Variants in CTNNA3 observed in about 807,000 individuals in gnomAD.
CTNNA3 encodes catenin alpha-3.
Under a neutral mutation model 95.7 loss-of-function variants are expected in CTNNA3, and 76 were observed. The ratio of observed to expected loss-of-function variants is 0.79; its 90% CI spans 0.66 to 0.96. CTNNA3 has a LOEUF of 0.96. Among genes scored for constraint, CTNNA3 ranks in the 40% least tolerant of loss-of-function variants. The pLI is 0.00. For missense variants in CTNNA3, 1,191 were observed against 1,089.8 expected (o/e 1.09, Z -1.31); for synonymous variants, 431 against 374.4 (o/e 1.15, Z -1.74).
intron 7 of CTNNA3, among the ~76,000 whole-genome samples, chr10:67,133,306 G>GATATATATATATATATATATATATAGAT (rs56800232): frequency 1.0e-5 from 1 of 97,688 alleles, no homozygotes; most frequent in Non-Finnish European, 2.1e-5. Context: ...CATATTGCCT[G>GATATATATATATATATATATATATAGAT]ATATATATAT....
Position 66,947,895 on chromosome 10 carries a change from C to T in CTNNA3, c.1048-172371G>A, listed in dbSNP as rs534254439. Among the ~76,000 whole-genome samples, 25 of 152,292 alleles carry T rather than the reference C, an allele frequency of 1.6e-4. No individual in the cohort carries two copies. In the South Asian group the frequency reaches 5.2e-3, roughly 32 times the overall value. On this transcript the variant is annotated intron_variant, in intron 7 of 17. Coordinates refer to ENST00000433211, the MANE Select transcript of CTNNA3 (RefSeq NM_013266.4). ...TTAGGCAATTTTGTCATTGTGCGAA[C>T]ATCACAGAGTGTACTTACATAAACC...
Position 66,363,593 on chromosome 10 carries a change from C to T in CTNNA3, c.1732+15559G>A, listed in dbSNP as rs117834159. On this transcript the variant is annotated intron_variant, in intron 12 of 17. Coordinates refer to ENST00000433211, the MANE Select transcript of CTNNA3 (RefSeq NM_013266.4). ...TACTCCATTTAATTTGTTATAGCAG[C>T]CCAAACTGACCAAGACACCAGATTA... is the stretch of plus-strand genomic sequence containing the variant. Among the ~76,000 whole-genome samples the T allele has an allele frequency of 9.4e-4, 143 of 152,124 alleles. 3 individuals are homozygous for T. In the East Asian group the frequency reaches 0.025, roughly 27 times the overall value.
intron 1 of CTNNA3, among the ~76,000 whole-genome samples, chr10:67,752,994 A>G (rs995871532): frequency 1.3e-5 from 2 of 152,206 alleles, no homozygotes; most frequent in Non-Finnish European, 2.9e-5. Context: ...ATGGAACCAA[A>G]AAAGACCCCA....
At chr10:66,380,161 CT>C (rs960659311) in intron 11 of CTNNA3, among the ~76,000 whole-genome samples, 9 of 152,026 alleles carry the variant, frequency 5.9e-5, no homozygotes, top group African/African-American at 2.2e-4. Context: ...CTCTTTCTCT[CT>C]TTTTTTGTCC....
chr10:67,537,399 A>T (rs565542931), intron 4 of CTNNA3, among the ~76,000 whole-genome samples: 2 of 152,218 alleles, frequency 1.3e-5, no homozygotes, highest in South Asian at 4.1e-4. Context: ...GAATTGAATT[A>T]AAAGAAATAA....
chr10:67,206,782 G>A (rs1248597120), intron 6 of CTNNA3, among the ~76,000 whole-genome samples: 1 of 151,234 alleles, frequency 6.6e-6, no homozygotes, highest in African/African-American at 2.4e-5. Flanking sequence ...AGTCTCTACT[G>A]AACATATTGT....
intron 1 of CTNNA3, among the ~76,000 whole-genome samples, chr10:67,670,967 TTTTG>T (rs918506316): frequency 2.0e-5 from 3 of 152,236 alleles, no homozygotes; most frequent in African/African-American, 7.2e-5. Flanking sequence ...CATTGTGTGG[TTTTG>T]TTTTTTTGTT....
chr10:66,349,367 C>G (rs549227176), intron 12 of CTNNA3, among the ~76,000 whole-genome samples: 7 of 152,174 alleles, frequency 4.6e-5, no homozygotes, highest in South Asian at 4.2e-4. Flanking sequence ...AATCAGAGAA[C>G]ACAACTCCAA....
intron 7 of CTNNA3, among the ~76,000 whole-genome samples, chr10:66,910,881 C>A (rs1156730142): frequency 2.0e-5 from 3 of 152,128 alleles, no homozygotes; most frequent in Admixed American, 6.5e-5. Context: ...TCACAGTGAG[C>A]TATTCATGGG....
At chr10:66,141,431 T>G (rs1298879006) in intron 13 of CTNNA3, among the ~76,000 whole-genome samples, 9 of 152,142 alleles carry the variant, frequency 5.9e-5, no homozygotes, top group Non-Finnish European at 1.3e-4. Flanking sequence ...AGCAAAGAGA[T>G]GACTCCCCAG....
intron 7 of CTNNA3, among the ~76,000 whole-genome samples, chr10:66,874,283 CA>C (rs1333247354): frequency 2.0e-5 from 3 of 152,100 alleles, no homozygotes; most frequent in African/African-American, 7.2e-5. Context: ...CTACCGCCTC[CA>C]TAATTGGAGG....
chr10:66,452,479 G>A (rs1170246859), intron 11 of CTNNA3, among the ~76,000 whole-genome samples: 2 of 152,152 alleles, frequency 1.3e-5, no homozygotes, highest in Admixed American at 6.5e-5. Flanking sequence ...ATTCCTGGGT[G>A]TGGGCCTAGC....
chr10:67,484,364 G>T (rs988255480), intron 5 of CTNNA3, among the ~76,000 whole-genome samples: 6 of 151,868 alleles, frequency 4.0e-5, no homozygotes, highest in Admixed American at 3.9e-4. Flanking sequence ...CAAACTATAG[G>T]ATTTCCTAGG....
chr10:66,405,793 C>T (rs2093052654), intron 11 of CTNNA3, among the ~76,000 whole-genome samples: 1 of 152,100 alleles, frequency 6.6e-6, no homozygotes, highest in African/African-American at 2.4e-5. Flanking sequence ...TGACAACCTG[C>T]CTCTTAAAAC....
intron 7 of CTNNA3, among the ~76,000 whole-genome samples, chr10:67,062,147 A>G (rs1855792637): frequency 6.6e-6 from 1 of 151,906 alleles, no homozygotes. Context: ...AGTTTGAGGC[A>G]GGTGGATGAT....
intron 5 of CTNNA3, among the ~76,000 whole-genome samples, chr10:67,227,087 T>TC (rs1228059358): frequency 1.3e-5 from 2 of 150,912 alleles, no homozygotes; most frequent in Non-Finnish European, 3.0e-5. Flanking sequence ...AAGGTAGCTT[T>TC]TTTTTTCTTT....
intron 7 of CTNNA3, among the ~76,000 whole-genome samples, chr10:67,067,300 C>CTTTAA (rs3056682): frequency 0.51 from 76,877 of 151,514 alleles, 19,814 homozygotes; most frequent in Middle Eastern, 0.64. Context: ...TCAGTAACCA[C>CTTTAA]TTTAATACTG....
chr10:66,993,400 G>C (rs1490284079), intron 7 of CTNNA3, among the ~76,000 whole-genome samples: 1 of 152,096 alleles, frequency 6.6e-6, no homozygotes, highest in Non-Finnish European at 1.5e-5. Context: ...CTTGATGGGG[G>C]AGTGGCAATG....
chr10:67,748,659 G>A (rs998851985), intron 1 of CTNNA3, among the ~76,000 whole-genome samples: 1 of 152,178 alleles, frequency 6.6e-6, no homozygotes, highest in Non-Finnish European at 1.5e-5. Flanking sequence ...ACACTGAAGT[G>A]CAAAAACCAA....
Sources: allele counts gnomAD v4.1 joint callset (sites outside exome capture counted in the v4.1 genomes callset), GRCh38; gene constraint gnomAD v4.1.1; transcripts MANE v1.5; gene names NCBI Gene and HGNC (gene_info 2026-07-23, HGNC 2026-07-21).